KLF12: variants seen among roughly 807,000 people sequenced by gnomAD.
KLF12 encodes the protein Krueppel-like factor 12.
Under a neutral mutation model 37.8 loss-of-function variants are expected in KLF12, and 9 were observed. The ratio of observed to expected loss-of-function variants is 0.24; its 90% CI spans 0.14 to 0.42. KLF12 has a LOEUF of 0.42. Ranked by LOEUF, KLF12 falls within the 10% of genes least tolerant of loss-of-function variation. The pLI, the probability that KLF12 is intolerant of heterozygous loss-of-function variation, is 1.00. For synonymous variants in KLF12, 208 were observed against 202.1 expected, an observed-to-expected ratio of 1.03 and a Z score of -0.25; for missense variants, 411 against 516.0, an observed-to-expected ratio of 0.80 and a Z score of 1.97.
intron 6 of KLF12, among the ~76,000 whole-genome samples, chr13:73,724,959 T>C (rs1352634142): frequency 1.3e-5 from 2 of 150,860 alleles, no homozygotes; most frequent in Admixed American, 1.3e-4. Flanking sequence ...TAGTTAGAAC[T>C]ACACACTTAC....
intron 5 of KLF12, among the ~76,000 whole-genome samples, chr13:73,781,379 G>C (rs546052497): frequency 1.3e-5 from 2 of 152,160 alleles, no homozygotes; most frequent in East Asian, 3.9e-4. Context: ...ATATCTCTGA[G>C]GTACACCACT....
intron 1 of KLF12, among the ~76,000 whole-genome samples, chr13:74,065,223 C>CATAT (rs376829696): frequency 6.6e-6 from 1 of 151,000 alleles, no homozygotes; most frequent in Non-Finnish European, 1.5e-5. Context: ...CACACACACA[C>CATAT]ATGTATATAT....
rs376310189 is a variant in KLF12, at chr13:73,753,223, C to T, written c.869+11715G>A. ...ACCTCTCTGAGCTGAGGTTGTTTCA[C>T]GCTTCCCCTCATTCACTTTTCGTTC... On this transcript the variant is annotated intron_variant, in intron 6 of 7. Coordinates refer to ENST00000377669, the MANE Select transcript of KLF12 (RefSeq NM_007249.5). Among the ~76,000 whole-genome samples the T allele has an allele frequency of 3.0e-4, 45 of 152,220 alleles. 1 individual carries two copies. The South Asian group carries it at 3.7e-3, about 13-fold the overall frequency.
intron 4 of KLF12, among the ~76,000 whole-genome samples, chr13:73,818,724 T>C (rs1299788112): frequency 6.6e-6 from 1 of 152,224 alleles, no homozygotes; most frequent in East Asian, 1.9e-4. Context: ...CAGAAGCAGA[T>C]ACTGAATCCC....
intron 1 of KLF12, among the ~76,000 whole-genome samples, chr13:74,100,072 CGCTGGCA>C (rs1053154410): frequency 1.2e-4 from 18 of 152,098 alleles, no homozygotes; most frequent in South Asian, 4.2e-4. Context: ...CATGGAGGCA[CGCTGGCA>C]GCTGGCAGCT....
At chr13:74,242,680 C>T in the KLF12 span, among the ~76,000 whole-genome samples, 1 of 152,146 alleles carries the variant, frequency 6.6e-6, no homozygotes, top group East Asian at 1.9e-4. Flanking sequence ...ATATGCTCAT[C>T]CAATAAACTC....
intron 1 of KLF12, 33 bp from the exon 2 acceptor site, chr13:73,995,086 G>C (rs1391563718): frequency 1.4e-6 from 2 of 1,458,022 alleles, no homozygotes; most frequent in Non-Finnish European, 1.9e-6. Flanking sequence ...AATGATGAGA[G>C]AAAGTTCTAC....
At position 73,872,704 on chromosome 13, in the gene KLF12, C is replaced by T. The variant is rs538198053; in HGVS notation, c.124-26331G>A. ...GGTGCCAGAATCTATTCTAACTGAT[C>T]GGTCCTTGCTCCATCTGCTCTTAAA... On this transcript the variant is annotated intron_variant, in intron 3 of 7. Transcript: ENST00000377669. Among the ~76,000 whole-genome samples the T allele has an allele frequency of 4.7e-4, 71 of 152,302 alleles. 1 individual carries two copies. The highest frequency in any genetic ancestry group is 1.7e-3 in the African/African-American group (71 of 41,584).
chr13:73,896,727 A>G (rs1309947112), intron 3 of KLF12, among the ~76,000 whole-genome samples: 2 of 152,130 alleles, frequency 1.3e-5, no homozygotes, highest in Non-Finnish European at 2.9e-5. Context: ...AAAACCTAAA[A>G]ACTCTTTTTG....
intron 1 of KLF12, among the ~76,000 whole-genome samples, chr13:74,049,994 T>C (rs577448616): frequency 6.6e-6 from 1 of 152,136 alleles, no homozygotes; most frequent in Non-Finnish European, 1.5e-5. Context: ...GTTGTTGTTG[T>C]TGTTTTTAAT....
At chr13:73,708,281 T>C (rs577167660) in intron 7 of KLF12, among the ~76,000 whole-genome samples, 2 of 152,314 alleles carry the variant, frequency 1.3e-5, no homozygotes, top group South Asian at 4.1e-4. Flanking sequence ...TTATACAGGA[T>C]TACCTACTGG....
chr13:74,096,840 C>T (rs140133738), intron 1 of KLF12, among the ~76,000 whole-genome samples: 536 of 152,264 alleles, frequency 3.5e-3, no homozygotes, highest in Middle Eastern at 6.8e-3. Context: ...AGAATAAATG[C>T]CTGCACAGAG....
chr13:74,170,119 A>T, the KLF12 span, among the ~76,000 whole-genome samples: 4 of 152,196 alleles, frequency 2.6e-5, no homozygotes, highest in African/African-American at 9.7e-5. Context: ...GATATTTATG[A>T]TGATGAACTC....
intron 3 of KLF12, among the ~76,000 whole-genome samples, chr13:73,925,836 T>C (rs1889349867): frequency 6.6e-6 from 1 of 152,180 alleles, no homozygotes; most frequent in South Asian, 2.1e-4. Context: ...TTCACCCACA[T>C]GGATGACTTG....
the KLF12 span, among the ~76,000 whole-genome samples, chr13:74,216,130 A>T: frequency 6.6e-6 from 1 of 151,858 alleles, no homozygotes; most frequent in Non-Finnish European, 1.5e-5. Flanking sequence ...ACCTTTCTAT[A>T]CTCCACTAAC....
intron 1 of KLF12, among the ~76,000 whole-genome samples, chr13:74,065,037 A>G (rs1265822574): frequency 6.6e-6 from 1 of 152,184 alleles, no homozygotes; most frequent in African/African-American, 2.4e-5. Context: ...CACACACTTC[A>G]GTACTCTGCT....
intron 4 of KLF12, among the ~76,000 whole-genome samples, chr13:73,834,511 A>G (rs1884326261): frequency 6.6e-6 from 1 of 151,924 alleles, no homozygotes; most frequent in Admixed American, 6.6e-5. Flanking sequence ...ATTTTATCTT[A>G]TTTTATTTTA....
intron 3 of KLF12, among the ~76,000 whole-genome samples, chr13:73,850,711 A>G (rs1885291942): frequency 6.6e-6 from 1 of 152,216 alleles, no homozygotes; most frequent in Non-Finnish European, 1.5e-5. Context: ...GGGCTGACAT[A>G]CATGGGCATT....
At chr13:74,082,872 G>T (rs572041778) in intron 1 of KLF12, among the ~76,000 whole-genome samples, 2 of 152,252 alleles carry the variant, frequency 1.3e-5, no homozygotes, top group South Asian at 4.1e-4. Flanking sequence ...AGACCTTCCG[G>T]CAAGAGTTAG....
Sources: allele counts gnomAD v4.1 joint callset (sites outside exome capture counted in the v4.1 genomes callset), GRCh38; gene constraint gnomAD v4.1.1; transcripts MANE v1.5; gene names NCBI Gene and HGNC (gene_info 2026-07-23, HGNC 2026-07-21).